Variants in ZFHX3 observed in about 807,000 individuals in gnomAD.
ZFHX3 encodes the protein zinc finger homeobox protein 3.
Under a neutral mutation model 279.1 loss-of-function variants are expected in ZFHX3, and 42 were observed. The observed-to-expected ratio is 0.15, with a 90% CI of 0.12 to 0.19. The LOEUF (loss-of-function observed/expected upper bound fraction) is 0.19. ZFHX3 is among the 10% of genes least tolerant of loss of function. The probability of loss-of-function intolerance (pLI) is 1.00; values close to 1 mark genes in which losing one functional copy is unlikely to be tolerated. For synonymous variants in ZFHX3, 2,293 were observed against 1,957.8 expected (o/e 1.17, Z -4.52); for missense variants, 4,981 against 4,754.0 (o/e 1.05, Z -1.40).
intron 1 of ZFHX3, among the ~76,000 whole-genome samples, chr16:73,805,979 A>T (rs1463811274): frequency 6.6e-6 from 1 of 152,180 alleles, no homozygotes; most frequent in African/African-American, 2.4e-5. Flanking sequence ...AAGAAAAGAG[A>T]TTTAATTGAC....
At chr16:73,608,525 T>C (rs979576688) in intron 2 of ZFHX3, 3 of 152,238 alleles carry the variant, frequency 2.0e-5, no homozygotes, top group Non-Finnish European at 4.4e-5. Context: ...AACAACAACA[T>C]TGTTTTTTAT....
Position 73,314,393 on chromosome 16 carries a change from T to A in ZFHX3, c.-1194+3847A>T, listed in dbSNP as rs1049647296. Among the ~76,000 whole-genome samples, 6 of 152,192 alleles carry A rather than the reference T, an allele frequency of 3.9e-5. No individual in the cohort carries two copies. The East Asian group carries it at 1.2e-3, about 29-fold the overall frequency. On this transcript the variant is annotated intron_variant, in intron 4 of 17. Transcript: ENST00000641206. ...CTGTACCTTTCCTATTGGTTCTGTTTTTCTGCAGAACCCTAAAATAGGTAG... is the reference window on the plus strand; with the variant it reads ...CTGTACCTTTCCTATTGGTTCTGTTATTCTGCAGAACCCTAAAATAGGTAG...
chr16:73,420,425 C>A (rs1474223313), intron 3 of ZFHX3, among the ~76,000 whole-genome samples: 1 of 152,154 alleles, frequency 6.6e-6, no homozygotes, highest in African/African-American at 2.4e-5. Context: ...CGTCTTGAGA[C>A]ATGTGGGTTA....
chr16:73,799,571 A>G (rs9933407), intron 1 of ZFHX3, among the ~76,000 whole-genome samples: 157 of 152,246 alleles, frequency 1.0e-3, no homozygotes, highest in African/African-American at 3.7e-3. Flanking sequence ...CATCCCCTGG[A>G]AACAGCAAAG....
chr16:72,939,584 G>T (rs1432261113), intron 3 of ZFHX3, among the ~76,000 whole-genome samples: 1 of 152,162 alleles, frequency 6.6e-6, no homozygotes, highest in Non-Finnish European at 1.5e-5. Flanking sequence ...CATTCTCATT[G>T]TCCCGAAGGC....
At chr16:73,555,639 T>G (rs1483883318) in intron 2 of ZFHX3, among the ~76,000 whole-genome samples, 2 of 151,668 alleles carry the variant, frequency 1.3e-5, no homozygotes, top group Non-Finnish European at 2.9e-5. Flanking sequence ...AAAACCAGCC[T>G]GGCCAATATG....
At chr16:73,646,982 T>G (rs535886694) in intron 2 of ZFHX3, among the ~76,000 whole-genome samples, 1 of 150,986 alleles carries the variant, frequency 6.6e-6, no homozygotes, top group African/African-American at 2.4e-5. Flanking sequence ...TCAGGCGAAT[T>G]AGGACAAATG....
chr16:73,257,450 G>A (rs1222465619), intron 4 of ZFHX3, among the ~76,000 whole-genome samples: 1 of 152,178 alleles, frequency 6.6e-6, no homozygotes, highest in African/African-American at 2.4e-5. Flanking sequence ...GGGATATGAA[G>A]CTCTGAGAAC....
At chr16:73,710,688 GT>G (rs71374581) in intron 1 of ZFHX3, among the ~76,000 whole-genome samples, 5 of 152,142 alleles carry the variant, frequency 3.3e-5, no homozygotes, top group Non-Finnish European at 5.9e-5. Context: ...GCCTCCCGTT[GT>G]CTCTGGCCAC....
intron 1 of ZFHX3, among the ~76,000 whole-genome samples, chr16:73,820,992 A>G (rs1391025121): frequency 2.6e-5 from 4 of 152,028 alleles, no homozygotes; most frequent in South Asian, 2.1e-4. Context: ...GGAGACAACT[A>G]TTATTATCCC....
At chr16:73,761,035 G>C (rs117502283) in intron 1 of ZFHX3, among the ~76,000 whole-genome samples, 10 of 151,564 alleles carry the variant, frequency 6.6e-5, no homozygotes, top group African/African-American at 2.2e-4. Flanking sequence ...GAAGAGAGGA[G>C]GTCAAATTGT....
intron 4 of ZFHX3, among the ~76,000 whole-genome samples, chr16:72,839,989 A>G (rs1192866079): frequency 6.6e-6 from 1 of 152,196 alleles, no homozygotes; most frequent in Non-Finnish European, 1.5e-5. Context: ...GGAGGGGAGA[A>G]GACAAGACAG....
intron 3 of ZFHX3, among the ~76,000 whole-genome samples, chr16:73,361,814 C>T (rs2016437835): frequency 6.6e-6 from 1 of 152,138 alleles, no homozygotes; most frequent in Non-Finnish European, 1.5e-5. Flanking sequence ...TAAGTGACCG[C>T]CTTGATGTAT....
chr16:73,103,478 G>A (rs1057127696), intron 7 of ZFHX3, among the ~76,000 whole-genome samples: 2 of 152,144 alleles, frequency 1.3e-5, no homozygotes, highest in African/African-American at 2.4e-5. Flanking sequence ...AAAGATGCTT[G>A]GCGAGAATTA....
chr16:73,697,116 T>C (rs2053204686), intron 1 of ZFHX3, among the ~76,000 whole-genome samples: 1 of 152,124 alleles, frequency 6.6e-6, no homozygotes, highest in Non-Finnish European at 1.5e-5. Flanking sequence ...TTAAGTGAAC[T>C]AGCTCTTAGA....
rs545057594 is a variant in ZFHX3, at chr16:73,706,314, T to C, written c.-1607-26074A>G. On this transcript the variant is annotated intron_variant, in intron 1 of 17. Transcript: ENST00000641206. ...CATCTCTCCTAAAGATACAAAAAAT[T>C]AGCTGGGTGTCGTGGCAGGCGCCTG... 1.1e-4 allele frequency among the ~76,000 whole-genome samples: 17 copies of C among 151,830 alleles called. No homozygotes were observed. The South Asian group carries it at 3.1e-3, about 28-fold the overall frequency.
At chr16:73,867,444 G>A (rs1962053892) in intron 1 of ZFHX3, among the ~76,000 whole-genome samples, 2 of 152,188 alleles carry the variant, frequency 1.3e-5, no homozygotes, top group South Asian at 4.2e-4. Flanking sequence ...CAGCATCACG[G>A]GAACCACAAA....
intron 3 of ZFHX3, among the ~76,000 whole-genome samples, chr16:73,425,297 T>G (rs948124813): frequency 6.6e-6 from 1 of 152,144 alleles, no homozygotes; most frequent in Non-Finnish European, 1.5e-5. Context: ...TGGGGCCACT[T>G]GCAGGTACCC....
At chr16:73,324,792 T>A (rs1320692813) in intron 3 of ZFHX3, among the ~76,000 whole-genome samples, 1 of 152,168 alleles carries the variant, frequency 6.6e-6, no homozygotes, top group Non-Finnish European at 1.5e-5. Context: ...CCATTAGGAC[T>A]GGAAGGGTCA....
Sources: gnomAD v4.1 joint callset for allele counts (sites outside exome capture counted in the v4.1 genomes callset) on GRCh38, gnomAD v4.1.1 for gene constraint, MANE v1.5 for transcripts, NCBI Gene and HGNC (gene_info 2026-07-23, HGNC 2026-07-21) for gene names.